Variants in KCNK5 observed in about 807,000 individuals in gnomAD.
KCNK5 encodes the protein potassium two pore domain channel subfamily K member 5.
Under a neutral mutation model 32.9 loss-of-function variants are expected in KCNK5, and 18 were observed. The observed-to-expected ratio is 0.55, with a 90% confidence interval of 0.38 to 0.81. The LOEUF is 0.81. KCNK5 is among the 30% of genes least tolerant of loss of function. The pLI is 0.00. For synonymous variants in KCNK5, 276 were observed against 275.3 expected, an observed-to-expected ratio of 1.00 and a Z score of -0.03; for missense variants, 507 against 651.0, an observed-to-expected ratio of 0.78 and a Z score of 2.41.
intron 1 of KCNK5, among the ~76,000 whole-genome samples, chr6:39,204,603 T>C (rs1367197850): frequency 3.9e-5 from 6 of 152,242 alleles, no homozygotes; most frequent in African/African-American, 9.6e-5. Context: ...CCAAGAGAAA[T>C]AGTCTGGGGC....
At chr6:39,226,935 C>A (rs1378769481) in intron 1 of KCNK5, among the ~76,000 whole-genome samples, 1 of 152,198 alleles carries the variant, frequency 6.6e-6, no homozygotes, top group African/African-American at 2.4e-5. Context: ...ATGCCCAAGT[C>A]CTTTTTCTAA....
chr6:39,207,891 T>A (rs1306789232), intron 1 of KCNK5, among the ~76,000 whole-genome samples: 1 of 152,112 alleles, frequency 6.6e-6, no homozygotes, highest in Non-Finnish European at 1.5e-5. Flanking sequence ...GCCAGACTCC[T>A]ACCTCCCTGG....
rs1188206754 is a variant in KCNK5, at chr6:39,194,870, T to TACGGC, written c.299-111_299-110insGCCGT. On this transcript the variant is annotated intron_variant, in intron 2 of 4. Coordinates refer to ENST00000359534, the MANE Select transcript of KCNK5 (RefSeq NM_003740.4). The surrounding 1 kb of genome is among the most constrained non-coding windows in gnomAD (Gnocchi z 4.7). ...CTAAGATAAATTGATATTGATCTAT[T>TACGGC]GTCAGTACTTAAGTAATGATATTTC... 1 of 869,666 alleles carries TACGGC rather than the reference T, an allele frequency of 1.1e-6. No homozygotes were observed. Among genetic ancestry groups the TACGGC allele is most frequent in the African/African-American group, 1.7e-5 (1 of 59,686 alleles). The allele number at this position is 869,666 out of a possible 1,614,324, so 53.9% of individuals were successfully genotyped here.
intron 1 of KCNK5, among the ~76,000 whole-genome samples, chr6:39,215,494 C>T (rs1435636317): frequency 6.6e-6 from 1 of 152,192 alleles, no homozygotes; most frequent in Non-Finnish European, 1.5e-5. Context: ...AGGTGCCTAC[C>T]TCCATCCCGC....
chr6:39,217,430 A>C (rs780165775), intron 1 of KCNK5, among the ~76,000 whole-genome samples: 20 of 152,152 alleles, frequency 1.3e-4, no homozygotes, highest in Non-Finnish European at 2.6e-4. Context: ...CAGTGATCTG[A>C]TGGGAGCCCT....
Position 39,214,601 on chromosome 6 carries a change from C to T in KCNK5, c.186+14325G>A, listed in dbSNP as rs185017696. 2.0e-5 allele frequency among the ~76,000 whole-genome samples: 3 copies of T among 152,264 alleles called. No individual in the cohort carries two copies. In the East Asian group the frequency reaches 5.8e-4, roughly 29 times the overall value. ...GGTTCAGGACATTCATTAATAATTA[C>T]CCTCATGCTTGGTGCTAGGTTTCGG... On this transcript the variant is annotated intron_variant, in intron 1 of 4. Coordinates refer to ENST00000359534, the MANE Select transcript of KCNK5 (RefSeq NM_003740.4).
chr6:39,189,165 G>C lies in KCNK5; in HGVS notation c.*1725C>G, dbSNP rs1438297725. The C allele has an allele frequency of 1.3e-5, 2 of 152,268 alleles. No homozygotes were observed. Among genetic ancestry groups the C allele is most frequent in the African/African-American group, 4.8e-5 (2 of 41,468 alleles). 9.4% of individuals were successfully genotyped at this position (152,268 alleles called of 1,614,324 possible). A position where few individuals can be genotyped will look rare whatever the true frequency, so the allele number is the denominator to read the frequency against. On this transcript the variant is annotated 3_prime_UTR_variant, in exon 5 of 5. Coordinates refer to ENST00000359534, the MANE Select transcript of KCNK5 (RefSeq NM_003740.4). ...GGGTGGCGGCCTCTGCAAACGGCTA[G>C]AGAAGTGGGGGTGTGGGCACGTGCC...
At chr6:39,228,847 G>A in intron 1 of KCNK5, 79 bp downstream of exon 1, 2 of 1,426,638 alleles carry the variant, frequency 1.4e-6, no homozygotes, top group Non-Finnish European at 2.0e-6. Context: ...ACCCAAAGCT[G>A]TGAAGGGGTC....
At chr6:39,205,733 C>CT (rs781067423) in intron 1 of KCNK5, among the ~76,000 whole-genome samples, 20 of 152,188 alleles carry the variant, frequency 1.3e-4, no homozygotes, top group Admixed American at 2.6e-4. Context: ...TTGAGCCTGT[C>CT]CAGCTGGGCA....
rs564700142 is a variant in KCNK5, at chr6:39,196,305, G to A, written c.187-318C>T. Among the ~76,000 whole-genome samples, 8 of 152,268 alleles carry A rather than the reference G, an allele frequency of 5.3e-5. No homozygotes were observed. The South Asian group carries it at 1.5e-3, about 28-fold the overall frequency. On this transcript the variant is annotated intron_variant, in intron 1 of 4. Transcript: ENST00000359534. ...AGACTGCTGGCCCCTACTACTCCGA[G>A]TTTCTGATTTAGGAGGTCTAGAAGG...
intron 1 of KCNK5, among the ~76,000 whole-genome samples, chr6:39,225,236 G>A (rs990079738): frequency 6.6e-6 from 1 of 152,162 alleles, no homozygotes; most frequent in African/African-American, 2.4e-5. Flanking sequence ...TCTGGCACAT[G>A]GTGGATACTT....
At chr6:39,212,975 A>G (rs1771367864) in intron 1 of KCNK5, among the ~76,000 whole-genome samples, 1 of 152,182 alleles carries the variant, frequency 6.6e-6, no homozygotes, top group Non-Finnish European at 1.5e-5. Flanking sequence ...GGTGTTCAAT[A>G]CAGTCCCCGG....
intron 1 of KCNK5, among the ~76,000 whole-genome samples, chr6:39,213,956 G>C (rs1198985822): frequency 1.3e-5 from 2 of 152,044 alleles, no homozygotes; most frequent in African/African-American, 4.8e-5. Flanking sequence ...AACCCAGGAG[G>C]TGGAGGTTGC....
At chr6:39,213,484 T>C (rs80112820) in intron 1 of KCNK5, among the ~76,000 whole-genome samples, 2,044 of 152,324 alleles carry the variant, frequency 0.013, 46 homozygotes, top group African/African-American at 0.046. Flanking sequence ...GTCTGGTTCA[T>C]GCCTCAGGCC....
chr6:39,192,851 G>C (rs529600461), intron 4 of KCNK5, among the ~76,000 whole-genome samples: 21 of 152,180 alleles, frequency 1.4e-4, no homozygotes, highest in Non-Finnish European at 2.9e-4. Context: ...AGATACAAGA[G>C]CAACTTACAG....
At chr6:39,203,486 C>G (rs1771166479) in intron 1 of KCNK5, among the ~76,000 whole-genome samples, 1 of 152,218 alleles carries the variant, frequency 6.6e-6, no homozygotes, top group African/African-American at 2.4e-5. Context: ...GGCAGGGCTG[C>G]TGAGGGAAAG....
rs550821539 is a variant in KCNK5, at chr6:39,206,430, G to A, written c.187-10443C>T. Reference sequence around the variant, plus strand: ...TGGGGTCAAGGATCAGCTACAGGAAGCCACCAGCCACTCAAGGTTTCTAAA... The same window carrying A: ...TGGGGTCAAGGATCAGCTACAGGAAACCACCAGCCACTCAAGGTTTCTAAA... On this transcript the variant is annotated intron_variant, in intron 1 of 4. Coordinates refer to ENST00000359534, the MANE Select transcript of KCNK5 (RefSeq NM_003740.4). Among the ~76,000 whole-genome samples the A allele has an allele frequency of 3.3e-5, 5 of 152,320 alleles. No homozygotes were observed. In the South Asian group the frequency reaches 1.0e-3, roughly 32 times the overall value.
chr6:39,191,060 C>A lies in KCNK5; in HGVS notation c.1330G>T (p.Ala444Ser), dbSNP rs151090443. The A allele has an allele frequency of 1.2e-6, 2 of 1,613,034 alleles. No homozygotes were observed. Among genetic ancestry groups the A allele is most frequent in the Admixed American group, 3.3e-5 (2 of 59,922 alleles). ...TSKSSLEDNL[A>S]GEESPQQGAE... ...CCCTGCTGGGGGCTCTCCTCCCCTG[C>A]CAAGTTGTCCTCTAGCGAGGACTTG... The change falls in exon 5 of 5, where the codon GCA becomes TCA. Residue 444 changes from alanine to serine, a missense_variant. By Grantham distance (99) the Ala-to-Ser change is moderately conservative (BLOSUM62 1). Coordinates refer to ENST00000359534, the MANE Select transcript of KCNK5 (RefSeq NM_003740.4). The surrounding 1 kb of genome is among the most constrained non-coding windows in gnomAD (Gnocchi z 5.8).
intron 1 of KCNK5, among the ~76,000 whole-genome samples, chr6:39,226,678 C>T (rs1771676989): frequency 3.3e-5 from 5 of 152,132 alleles, no homozygotes; most frequent in Admixed American, 3.3e-4. Context: ...TTCCTTAAAC[C>T]AATATCCTGA....
Sources: allele counts gnomAD v4.1 joint callset (sites outside exome capture counted in the v4.1 genomes callset), GRCh38; gene constraint gnomAD v4.1.1; non-coding constraint Gnocchi (gnomAD v3.1); transcripts MANE v1.5; gene names NCBI Gene and HGNC (gene_info 2026-07-23, HGNC 2026-07-21).